Variants in PLCB4 observed in about 807,000 individuals in gnomAD.
PLCB4 encodes the protein 1-phosphatidylinositol 4,5-bisphosphate phosphodiesterase beta-4.
In PLCB4, 77 loss-of-function variants were observed where a neutral mutation model predicts 178.8. The ratio of observed to expected loss-of-function variants is 0.43; its 90% CI spans 0.36 to 0.52. The LOEUF (loss-of-function observed/expected upper bound fraction) is 0.52. Among genes scored for constraint, PLCB4 ranks in the 20% least tolerant of loss-of-function variants. PLCB4 has a pLI of 0.00. For missense variants in PLCB4, 1,024 were observed against 1,453.4 expected (o/e 0.70, Z 4.80); for synonymous variants, 496 against 490.8 (o/e 1.01, Z -0.14).
chr20:9,348,632 C>CGTTT lies in PLCB4; in HGVS notation c.369+9616_369+9619dup, dbSNP rs199929335. ...GCCTCTGAAATCCTGAAAAGGTCTACGTTTGTTTGTTTGTTTGTTTGTTTT... is the reference window on the plus strand; with the variant it reads ...GCCTCTGAAATCCTGAAAAGGTCTACGTTTGTTTGTTTGTTTGTTTGTTTGTTTT... On this transcript the variant is annotated intron_variant, in intron 7 of 39. Transcript: ENST00000378473. Among the ~76,000 whole-genome samples, 1,035 of 151,908 alleles carry CGTTT rather than the reference C, an allele frequency of 6.8e-3. 9 individuals carry two copies. The highest frequency in any genetic ancestry group is 0.022 in the African/African-American group (900 of 41,348).
chr20:9,146,090 G>A (rs564143044), intron 2 of PLCB4, among the ~76,000 whole-genome samples: 5 of 152,216 alleles, frequency 3.3e-5, no homozygotes, highest in Admixed American at 3.3e-4. Flanking sequence ...TCAAAAGATG[G>A]TGGATATTTT....
chr20:9,269,883 A>G (rs2094385786), intron 3 of PLCB4, among the ~76,000 whole-genome samples: 1 of 152,116 alleles, frequency 6.6e-6, no homozygotes. Flanking sequence ...TGTGATTGCC[A>G]GGGGCAGTAG....
At chr20:9,199,399 A>G (rs929435725) in intron 2 of PLCB4, among the ~76,000 whole-genome samples, 3 of 152,208 alleles carry the variant, frequency 2.0e-5, no homozygotes, top group African/African-American at 7.2e-5. Flanking sequence ...ACCCCATGTT[A>G]GATAACTTTG....
chr20:9,313,930 G>A (rs2094867723), intron 4 of PLCB4, among the ~76,000 whole-genome samples: 1 of 152,176 alleles, frequency 6.6e-6, no homozygotes, highest in Non-Finnish European at 1.5e-5. Context: ...TGAGAGGAGA[G>A]GAAGGGGCAG....
intron 2 of PLCB4, among the ~76,000 whole-genome samples, chr20:9,153,967 G>A (rs2180671): frequency 0.29 from 43,489 of 152,088 alleles, 7,028 homozygotes; most frequent in African/African-American, 0.43. Context: ...GTAGGAAAAA[G>A]TAATTTTTCA....
At chr20:9,309,309 G>A (rs2094804859) in intron 4 of PLCB4, among the ~76,000 whole-genome samples, 1 of 152,140 alleles carries the variant, frequency 6.6e-6, no homozygotes, top group South Asian at 2.1e-4. Context: ...TTCCTGAAAT[G>A]TATTTATTCC....
At chr20:9,478,019 C>A (rs2044665990) in intron 39 of PLCB4, among the ~76,000 whole-genome samples, 1 of 152,110 alleles carries the variant, frequency 6.6e-6, no homozygotes, top group African/African-American at 2.4e-5. Context: ...TATTTCAAAG[C>A]AGCATGTCAC....
chr20:9,275,189 C>T (rs191826900), intron 3 of PLCB4, among the ~76,000 whole-genome samples: 16 of 151,716 alleles, frequency 1.1e-4, no homozygotes, highest in African/African-American at 3.9e-4. Flanking sequence ...ACAATCATGG[C>T]GGAGGGCACA....
chr20:9,181,621 A>T (rs1249915877), intron 2 of PLCB4, among the ~76,000 whole-genome samples: 1 of 151,600 alleles, frequency 6.6e-6, no homozygotes, highest in African/African-American at 2.4e-5. Context: ...GGTCGGGGGG[A>T]TGGTGGAGGC....
chr20:9,106,539 G>GCA (rs374743256), intron 2 of PLCB4, among the ~76,000 whole-genome samples: 6,706 of 144,088 alleles, frequency 0.047, 164 homozygotes, highest in Non-Finnish European at 0.062. Context: ...TGACACACAT[G>GCA]CACACACACA....
chr20:9,421,070 A>G (rs1358513906), intron 26 of PLCB4, among the ~76,000 whole-genome samples: 2 of 152,064 alleles, frequency 1.3e-5, no homozygotes, highest in African/African-American at 4.8e-5. Flanking sequence ...TTTTTTTTCT[A>G]GACAGTTCTA....
rs547365003 is a variant in PLCB4, at chr20:9,138,554, T to C, written c.-79+42212T>C. 2.5e-3 allele frequency among the ~76,000 whole-genome samples: 376 copies of C among 152,216 alleles called. 3 individuals are homozygous for C. Among genetic ancestry groups the C allele is most frequent in the Non-Finnish European group, 3.9e-3 (262 of 67,978 alleles). ...CTTTGCTCAGATTTGTGTGCACTTA[T>C]ACTAAATTTGCCATTACACAATTAC... is the stretch of plus-strand genomic sequence containing the variant. On this transcript the variant is annotated intron_variant, in intron 2 of 39. Transcript: ENST00000378473.
chr20:9,074,507 G>A (rs909238430), intron 1 of PLCB4, among the ~76,000 whole-genome samples: 1 of 152,052 alleles, frequency 6.6e-6, no homozygotes, highest in African/African-American at 2.4e-5. Flanking sequence ...GGGGTAGATG[G>A]CATTGACCTT....
intron 2 of PLCB4, among the ~76,000 whole-genome samples, chr20:9,163,079 T>C (rs1167487661): frequency 1.3e-5 from 2 of 152,136 alleles, no homozygotes; most frequent in African/African-American, 4.8e-5. Flanking sequence ...GGAAGCTGGC[T>C]CAGCCACTGA....
chr20:9,328,144 A>C (rs1386754155), intron 4 of PLCB4, among the ~76,000 whole-genome samples: 1 of 152,184 alleles, frequency 6.6e-6, no homozygotes, highest in Admixed American at 6.5e-5. Flanking sequence ...ACATCAAATG[A>C]GGGGTAAATT....
intron 4 of PLCB4, among the ~76,000 whole-genome samples, chr20:9,317,271 T>A (rs2094909454): frequency 6.6e-6 from 1 of 152,216 alleles, no homozygotes; most frequent in South Asian, 2.1e-4. Context: ...TATTTTTAAT[T>A]TAGTCACCCT....
At chr20:9,154,673 A>G (rs775168682) in intron 2 of PLCB4, among the ~76,000 whole-genome samples, 4 of 152,102 alleles carry the variant, frequency 2.6e-5, no homozygotes, top group Non-Finnish European at 4.4e-5. Context: ...ATCTTAGCAG[A>G]GTCTAGGAGC....
At chr20:9,430,677 G>A (rs113977467) in intron 28 of PLCB4, among the ~76,000 whole-genome samples, 5 of 152,156 alleles carry the variant, frequency 3.3e-5, no homozygotes, top group African/African-American at 7.2e-5. Context: ...TACATAATCC[G>A]ATAGCAGATG....
At chr20:9,199,496 C>A (rs2093515780) in intron 2 of PLCB4, among the ~76,000 whole-genome samples, 2 of 152,112 alleles carry the variant, frequency 1.3e-5, no homozygotes, top group Admixed American at 6.6e-5. Context: ...TCCTGAGAAC[C>A]CTGTTAGCCT....
Sources: allele counts gnomAD v4.1 joint callset (sites outside exome capture counted in the v4.1 genomes callset), GRCh38; gene constraint gnomAD v4.1.1; transcripts MANE v1.5; gene names NCBI Gene and HGNC (gene_info 2026-07-23, HGNC 2026-07-21).